The following ROBO2 variants were observed in gnomAD, a reference collection of about 807,000 sequenced individuals.
ROBO2 encodes the protein roundabout guidance receptor 2, also known as roundabout homolog 2.
Under a neutral mutation model 160.8 loss-of-function variants are expected in ROBO2, and 53 were observed. That is an observed-to-expected ratio of 0.33 (90% confidence interval 0.26 to 0.41). The LOEUF (loss-of-function observed/expected upper bound fraction) is 0.41. ROBO2 is among the 10% of genes least tolerant of loss of function. ROBO2 has a pLI of 1.00. For synonymous variants in ROBO2, 664 were observed against 611.7 expected (o/e 1.09, Z -1.26); for missense variants, 1,577 against 1,722.4 (o/e 0.92, Z 1.49).
intron 2 of ROBO2, among the ~76,000 whole-genome samples, chr3:76,589,923 T>C (rs2086306080): frequency 6.6e-6 from 1 of 152,170 alleles, no homozygotes; most frequent in Non-Finnish European, 1.5e-5. Context: ...TTAATTTGAC[T>C]AAAGAATTTC....
At chr3:77,143,977 C>A (rs1164774433) in intron 2 of ROBO2, among the ~76,000 whole-genome samples, 2 of 152,106 alleles carry the variant, frequency 1.3e-5, no homozygotes, top group African/African-American at 4.8e-5. Context: ...ACGTGCTATT[C>A]TTAAAATAAG....
At chr3:76,545,493 G>C (rs1046525100) in intron 2 of ROBO2, among the ~76,000 whole-genome samples, 2 of 151,982 alleles carry the variant, frequency 1.3e-5, no homozygotes, top group Non-Finnish European at 2.9e-5. Context: ...GGGAAACTGA[G>C]ATGATTCTCC....
rs145981710 is a variant in ROBO2, at chr3:76,237,305, G to A, written c.109+299703G>A. ...TGGAATCTGTGGAACCTATCAATAG[G>A]CCAAGCTATAATCATTAATGGTTTT... On this transcript the variant is annotated intron_variant, in intron 2 of 26. Transcript: ENST00000487694. Among the ~76,000 whole-genome samples the A allele has an allele frequency of 1.6e-4, 25 of 152,186 alleles. No individual in the cohort carries two copies. In the East Asian group the frequency reaches 4.8e-3, roughly 29 times the overall value.
intron 2 of ROBO2, among the ~76,000 whole-genome samples, chr3:76,959,004 A>C (rs1358119189): frequency 6.6e-6 from 1 of 152,226 alleles, no homozygotes; most frequent in Non-Finnish European, 1.5e-5. Context: ...ATAGGAAGAT[A>C]CATCTTCTGA....
chr3:76,404,136 G>A (rs2078000156), intron 2 of ROBO2, among the ~76,000 whole-genome samples: 1 of 151,620 alleles, frequency 6.6e-6, no homozygotes, highest in East Asian at 1.9e-4. Context: ...GGCATAGAAT[G>A]TAGCACCTTC....
chr3:76,181,220 T>C (rs998187468), intron 2 of ROBO2, among the ~76,000 whole-genome samples: 4 of 152,122 alleles, frequency 2.6e-5, no homozygotes, highest in Non-Finnish European at 4.4e-5. Flanking sequence ...GCTTGTGGAA[T>C]GTAAAATTCC....
At chr3:77,194,515 A>G (rs1231885131) in intron 2 of ROBO2, among the ~76,000 whole-genome samples, 2 of 152,226 alleles carry the variant, frequency 1.3e-5, no homozygotes. Context: ...TGACTGCAGA[A>G]AAATGAGTTC....
intron 15 of ROBO2, among the ~76,000 whole-genome samples, chr3:77,579,400 C>T (rs747393084): frequency 6.6e-6 from 1 of 152,068 alleles, no homozygotes; most frequent in Non-Finnish European, 1.5e-5. Context: ...TAGTCAATAC[C>T]TATAACTTAG....
At chr3:76,095,263 A>C (rs1274462625) in intron 2 of ROBO2, among the ~76,000 whole-genome samples, 5 of 152,062 alleles carry the variant, frequency 3.3e-5, no homozygotes, top group South Asian at 2.1e-4. Context: ...TAGAAAAAAA[A>C]CCTGAAAGCT....
At chr3:76,081,136 T>G (rs1465575693) in intron 2 of ROBO2, among the ~76,000 whole-genome samples, 5 of 148,092 alleles carry the variant, frequency 3.4e-5, no homozygotes, top group African/African-American at 1.3e-4. Flanking sequence ...TGTTTTATAG[T>G]TTTTTTTTAC....
At chr3:76,833,616 A>G (rs2067270801) in intron 2 of ROBO2, among the ~76,000 whole-genome samples, 1 of 152,224 alleles carries the variant, frequency 6.6e-6, no homozygotes, top group South Asian at 2.1e-4. Flanking sequence ...GAACTAACAT[A>G]GAATGTTGTT....
chr3:77,053,559 A>T (rs770379036), intron 1 of ROBO2, among the ~76,000 whole-genome samples: 1 of 152,148 alleles, frequency 6.6e-6, no homozygotes, highest in Non-Finnish European at 1.5e-5. Flanking sequence ...TTGGTGGGTG[A>T]TGTCTCAAGA....
At chr3:77,228,362 G>C (rs1013321653) in intron 2 of ROBO2, among the ~76,000 whole-genome samples, 1 of 151,800 alleles carries the variant, frequency 6.6e-6, no homozygotes, top group African/African-American at 2.4e-5. Flanking sequence ...ATATTACAGA[G>C]AGTTTGCATT....
At chr3:77,000,868 T>A (rs7431204) in intron 2 of ROBO2, among the ~76,000 whole-genome samples, 26,738 of 152,210 alleles carry the variant, frequency 0.18, 2,421 homozygotes, top group Non-Finnish European at 0.2. Context: ...AGATGCTACC[T>A]CATTTGTTAC....
intron 2 of ROBO2, among the ~76,000 whole-genome samples, chr3:76,175,118 T>C (rs2073180929): frequency 6.6e-6 from 1 of 152,048 alleles, no homozygotes; most frequent in Non-Finnish European, 1.5e-5. Flanking sequence ...TTATTCTTTG[T>C]AGCAATTGCG....
chr3:77,551,017 A>T, intron 8 of ROBO2, 28 bp downstream of exon 9: 1 of 1,610,264 alleles, frequency 6.2e-7, no homozygotes, highest in East Asian at 2.2e-5. Context: ...GATTTGTCTT[A>T]TGAAAACATT....
intron 2 of ROBO2, among the ~76,000 whole-genome samples, chr3:76,029,471 T>A (rs2066848442): frequency 6.6e-6 from 1 of 152,056 alleles, no homozygotes; most frequent in African/African-American, 2.4e-5. Context: ...ACCCATTAAA[T>A]CGTCATTTAC....
chr3:76,738,110 G>A (rs2093744181), intron 2 of ROBO2, among the ~76,000 whole-genome samples: 2 of 151,854 alleles, frequency 1.3e-5, no homozygotes, highest in Admixed American at 6.6e-5. Context: ...CTCCAGCCCA[G>A]GTGACACAGG....
chr3:76,105,871 C>T (rs1445466091), intron 2 of ROBO2, among the ~76,000 whole-genome samples: 4 of 151,964 alleles, frequency 2.6e-5, no homozygotes, highest in African/African-American at 9.7e-5. Context: ...CCAGGGAATT[C>T]CTTTGTTCAT....
Sources: gnomAD v4.1 joint callset for allele counts (sites outside exome capture counted in the v4.1 genomes callset) on GRCh38, gnomAD v4.1.1 for gene constraint, MANE v1.5 for transcripts, NCBI Gene and HGNC (gene_info 2026-07-23, HGNC 2026-07-21) for gene names.